F13A1: variants seen among roughly 807,000 people sequenced by gnomAD.
F13A1 encodes coagulation factor XIII A chain.
A neutral mutation model predicts 80.1 loss-of-function variants in F13A1; 47 were observed. The observed-to-expected ratio is 0.59, with a 90% CI of 0.46 to 0.75. The LOEUF is 0.75. Ranked by LOEUF, F13A1 falls within the 30% of genes least tolerant of loss-of-function variation. The pLI, the probability that F13A1 is intolerant of heterozygous loss-of-function variation, is 0.00. For synonymous variants in F13A1, 349 were observed against 344.9 expected (o/e 1.01, Z -0.13); for missense variants, 817 against 930.4 (o/e 0.88, Z 1.59).
At chr6:6,213,097 A>G (rs2113038384) in intron 8 of F13A1, among the ~76,000 whole-genome samples, 1 of 152,336 alleles carries the variant, frequency 6.6e-6, no homozygotes, top group East Asian at 1.9e-4. Context: ...CAAGTTGGAA[A>G]ACACTCTGCA....
chr6:6,311,136 A>G (rs1758585250), intron 2 of F13A1, among the ~76,000 whole-genome samples: 2 of 152,154 alleles, frequency 1.3e-5, no homozygotes, highest in African/African-American at 4.8e-5. Flanking sequence ...AGACTGGACC[A>G]TGTCTTAATT....
intron 3 of F13A1, among the ~76,000 whole-genome samples, chr6:6,271,193 CA>C (rs746323966): frequency 1.8e-4 from 27 of 152,294 alleles, no homozygotes; most frequent in Non-Finnish European, 2.6e-4. Flanking sequence ...AATAGAACCT[CA>C]GGGACTGCTC....
intron 2 of F13A1, among the ~76,000 whole-genome samples, chr6:6,315,282 C>G (rs1025490130): frequency 6.6e-6 from 1 of 152,188 alleles, no homozygotes; most frequent in Non-Finnish European, 1.5e-5. Context: ...GAAATTGATA[C>G]AAATCCAAAT....
At chr6:6,196,373 G>A (rs927078782) in intron 9 of F13A1, among the ~76,000 whole-genome samples, 1 of 152,166 alleles carries the variant, frequency 6.6e-6, no homozygotes, top group South Asian at 2.1e-4. Context: ...AAGTCAGAGG[G>A]CCTATGTTAC....
At chr6:6,188,473 G>A (rs372502236) in intron 10 of F13A1, among the ~76,000 whole-genome samples, 11 of 140,032 alleles carry the variant, frequency 7.9e-5, no homozygotes, top group Admixed American at 3.0e-4. Context: ...CCTTCATTTC[G>A]TTATGTACCC....
intron 2 of F13A1, among the ~76,000 whole-genome samples, chr6:6,316,816 T>A (rs534898358): frequency 6.6e-6 from 1 of 152,284 alleles, no homozygotes; most frequent in African/African-American, 2.4e-5. Context: ...TAGGCATTGC[T>A]TCCATTTTGC....
At chr6:6,175,402 C>T (rs1365787623) in intron 11 of F13A1, among the ~76,000 whole-genome samples, 1 of 152,184 alleles carries the variant, frequency 6.6e-6, no homozygotes, top group African/African-American at 2.4e-5. Context: ...CCCTTGAGGG[C>T]TCCTGCCCCG....
intron 2 of F13A1, among the ~76,000 whole-genome samples, chr6:6,317,800 C>G (rs1266179312): frequency 1.3e-5 from 2 of 152,188 alleles, no homozygotes; most frequent in African/African-American, 4.8e-5. Flanking sequence ...AAAAGACTCC[C>G]TGCTCAATGC....
intron 9 of F13A1, 66 bp from the exon 10 acceptor site, chr6:6,195,951 T>C: frequency 1.4e-6 from 2 of 1,389,636 alleles, no homozygotes; most frequent in African/African-American, 2.8e-5. Flanking sequence ...TACTGCAAGA[T>C]TCATGGCACT....
intron 8 of F13A1, among the ~76,000 whole-genome samples, chr6:6,198,965 G>A (rs1344095933): frequency 6.6e-6 from 1 of 152,190 alleles, no homozygotes; most frequent in Non-Finnish European, 1.5e-5. Flanking sequence ...AGAAAAGGAG[G>A]AAGAACAAAG....
chr6:6,292,295 G>A (rs924586606), intron 3 of F13A1, among the ~76,000 whole-genome samples: 4 of 152,144 alleles, frequency 2.6e-5, no homozygotes, highest in African/African-American at 7.2e-5. Context: ...TATCTCATTT[G>A]GAAGTGCTAG....
intron 3 of F13A1, among the ~76,000 whole-genome samples, chr6:6,295,503 G>T (rs1285563856): frequency 1.4e-5 from 2 of 147,572 alleles, no homozygotes; most frequent in Non-Finnish European, 3.0e-5. Context: ...CAGTGATGGT[G>T]AGCATTTTTT....
chr6:6,170,655 C>A (rs1331255111), intron 12 of F13A1, among the ~76,000 whole-genome samples: 1 of 152,074 alleles, frequency 6.6e-6, no homozygotes, highest in East Asian at 1.9e-4. Flanking sequence ...AATGATAGCA[C>A]CTTTGAAGGT....
intron 4 of F13A1, among the ~76,000 whole-genome samples, chr6:6,258,847 T>C (rs912161812): frequency 2.0e-5 from 3 of 152,238 alleles, no homozygotes; most frequent in African/African-American, 7.2e-5. Flanking sequence ...CAAATACTGT[T>C]CTGGGTGCTA....
At chr6:6,280,612 C>G (rs775765981) in intron 3 of F13A1, among the ~76,000 whole-genome samples, 7 of 152,050 alleles carry the variant, frequency 4.6e-5, no homozygotes, top group Non-Finnish European at 8.8e-5. Context: ...TACAGGAGAC[C>G]ACGGATGTAG....
chr6:6,205,327 G>A (rs1330114408), intron 8 of F13A1, among the ~76,000 whole-genome samples: 1 of 152,180 alleles, frequency 6.6e-6, no homozygotes, highest in Admixed American at 6.5e-5. Flanking sequence ...AGGAGTGATA[G>A]TCAAAACCAT....
intron 5 of F13A1, among the ~76,000 whole-genome samples, chr6:6,249,765 T>C (rs1028979032): frequency 6.6e-6 from 1 of 152,200 alleles, no homozygotes; most frequent in South Asian, 2.1e-4. Context: ...TAGTCAAAGG[T>C]TGCATGTCAC....
chr6:6,151,964 G>A lies in F13A1; in HGVS notation c.1909-15C>T. 3 of 1,613,798 alleles carry A rather than the reference G, an allele frequency of 1.9e-6. No individual in the cohort carries two copies. Among genetic ancestry groups the A allele is most frequent in the Non-Finnish European group, 2.5e-6 (3 of 1,179,846 alleles). On this transcript the variant is annotated splice_polypyrimidine_tract_variant and intron_variant, in intron 13 of 14. Transcript: ENST00000264870. The stretch of plus-strand genomic sequence containing the variant: ...GTGCCACGGACCTAAGAGAGAGAAT[G>A]CAGGTCATTAGCACCAAATAAAACC...
intron 13 of F13A1, among the ~76,000 whole-genome samples, chr6:6,160,193 C>T (rs1223586099): frequency 6.6e-6 from 1 of 150,478 alleles, no homozygotes; most frequent in Non-Finnish European, 1.5e-5. Flanking sequence ...AGGATAATTG[C>T]TTGAACCCAG....
Sources: gnomAD v4.1 joint callset for allele counts (sites outside exome capture counted in the v4.1 genomes callset) on GRCh38, gnomAD v4.1.1 for gene constraint, MANE v1.5 for transcripts, NCBI Gene and HGNC (gene_info 2026-07-23, HGNC 2026-07-21) for gene names.